The following ANKRD13A variants were observed in gnomAD, a reference collection of about 807,000 sequenced individuals.
ANKRD13A encodes ankyrin repeat domain-containing protein 13A.
Under a neutral mutation model 81.3 loss-of-function variants are expected in ANKRD13A, and 48 were observed. That is an observed-to-expected ratio of 0.59 (90% CI 0.47 to 0.75). ANKRD13A has a LOEUF of 0.75. ANKRD13A is among the 30% of genes least tolerant of loss of function. The pLI, the probability that ANKRD13A is intolerant of heterozygous loss-of-function variation, is 0.00. For missense variants in ANKRD13A, 612 were observed against 734.0 expected (o/e 0.83, Z 1.92); for synonymous variants, 230 against 270.1 (o/e 0.85, Z 1.45).
intron 8 of ANKRD13A, 73 bp downstream of exon 8, chr12:110,025,896 C>T (rs912236217): frequency 7.4e-7 from 1 of 1,345,096 alleles, no homozygotes; most frequent in African/African-American, 1.4e-5. Context: ...TTTGTTGGCT[C>T]TGTTAAGTTT....
rs979197883 is a variant in ANKRD13A at position 109,999,670 on chromosome 12, A to G, written c.-19A>G. 4 of 1,511,656 alleles carry G rather than the reference A, an allele frequency of 2.6e-6. No individual in the cohort carries two copies. The African/African-American group carries it at 5.7e-5, about 22-fold the overall frequency. The allele number at this position is 1,511,656 out of a possible 1,614,324, so 93.6% of individuals were successfully genotyped here. A position where few individuals can be genotyped will look rare whatever the true frequency, so the allele number is the denominator to read the frequency against. On this transcript the variant is annotated 5_prime_UTR_variant, in exon 1 of 15. Transcript: ENST00000261739. This position sits in a 1 kb window ranked among gnomAD's most constrained non-coding sequence, Gnocchi z 4.3. The stretch of plus-strand genomic sequence containing the variant: ...AGACTTGGGGCGGGCGACGAGGACC[A>G]GGTTACGGCCTCCTCGCCATGTCCT...
rs773274467 is a variant in ANKRD13A, at chr12:110,013,246, C to T, written c.351C>T (p.Leu117=). ...EGVPELLQKI[L]EAPDFYVQMK... is the part of the protein sequence containing the mutation. ...TTCCTGAGCTGCTCCAAAAAATTCT[C>T]GAGGTATCCATGAAAATGTGGCCAG... The change falls in exon 3 of 15, where the codon CTC becomes CTT. Residue 117 remains leucine (L), a synonymous_variant. Coordinates refer to ENST00000261739, the MANE Select transcript of ANKRD13A (RefSeq NM_033121.2). The T allele has an allele frequency of 8.1e-6, 13 of 1,613,702 alleles. No individual in the cohort carries two copies. The highest frequency in any genetic ancestry group is 1.7e-5 in the Admixed American group (1 of 59,908).
chr12:110,020,623 TG>T (rs1214179927), intron 6 of ANKRD13A, among the ~76,000 whole-genome samples: 10 of 152,230 alleles, frequency 6.6e-5, no homozygotes, highest in African/African-American at 2.4e-4. Context: ...TGGCTTTCCC[TG>T]GGAGGGCCTT....
chr12:110,009,270 G>A (rs552107990), intron 1 of ANKRD13A, among the ~76,000 whole-genome samples: 204 of 152,102 alleles, frequency 1.3e-3, no homozygotes, highest in African/African-American at 4.4e-3. Context: ...TAGTAGAGAC[G>A]GGGTTTCTCC....
rs558676021 is a variant in ANKRD13A, at chr12:110,006,937, C to T, written c.97-5068C>T. On this transcript the variant is annotated intron_variant, in intron 1 of 14. Coordinates refer to ENST00000261739, the MANE Select transcript of ANKRD13A (RefSeq NM_033121.2). ...GCATGTAGATATGCAGTTGTTCAAG[C>T]GGCACTTGTTGAAAGGACAGTTCTT... Among the ~76,000 whole-genome samples the T allele has an allele frequency of 1.5e-3, 223 of 152,272 alleles. 1 individual carries two copies. The highest frequency in any genetic ancestry group is 3.4e-3 in the Middle Eastern group (1 of 294).
chr12:110,020,664 C>A (rs1891031654), intron 6 of ANKRD13A, among the ~76,000 whole-genome samples: 1 of 152,224 alleles, frequency 6.6e-6, no homozygotes, highest in Admixed American at 6.5e-5. Flanking sequence ...TCCGCATACC[C>A]TTCTGCAGAC....
intron 10 of ANKRD13A, 121 bp from the exon 11 acceptor site, chr12:110,029,357 T>G (rs1214471820): frequency 2.7e-6 from 3 of 1,098,788 alleles, no homozygotes; most frequent in Non-Finnish European, 2.6e-6. Flanking sequence ...AGGTCTGAAT[T>G]AAGAGATGAC....
At chr12:110,027,617 C>A in intron 8 of ANKRD13A, 88 bp from the exon 9 acceptor site, 2 of 1,263,092 alleles carry the variant, frequency 1.6e-6, no homozygotes, top group Non-Finnish European at 2.3e-6. Flanking sequence ...AATGAGGTAG[C>A]TTGGACCAGA....
chr12:110,016,390 TC>T lies in ANKRD13A; in HGVS notation c.359del (p.Pro120ArgfsTer7). ...TTAAACCTTTGTCTGCCCTTCAGGCTCCGGATTTCTATGTGCAGATGAAATG... is the reference window on the plus strand; with the variant it reads ...TTAAACCTTTGTCTGCCCTTCAGGCTCGGATTTCTATGTGCAGATGAAATG... Reference protein sequence around the residue: ...PELLQKILEAPDFYVQMKWEF... With the variant: ...PELLQKILEAXDFYVQMKWEF... On this transcript the variant is annotated frameshift_variant, in exon 4 of 15. Coordinates refer to ENST00000261739, the MANE Select transcript of ANKRD13A (RefSeq NM_033121.2). LOFTEE classifies it high-confidence loss of function. 6.3e-7 allele frequency: 1 copy of T among 1,585,828 alleles called. No homozygotes were observed. The highest frequency in any genetic ancestry group is 8.6e-7 in the Non-Finnish European group (1 of 1,160,700).
intron 7 of ANKRD13A, among the ~76,000 whole-genome samples, chr12:110,025,288 G>A (rs534822342): frequency 1.5e-4 from 23 of 151,868 alleles, no homozygotes; most frequent in Non-Finnish European, 2.9e-4. Flanking sequence ...CCCAGGAGGC[G>A]GAGGCTGCAG....
intron 1 of ANKRD13A, among the ~76,000 whole-genome samples, chr12:110,008,523 C>T (rs937923414): frequency 6.6e-6 from 1 of 152,018 alleles, no homozygotes; most frequent in Non-Finnish European, 1.5e-5. Flanking sequence ...GGAAAGTTTT[C>T]CTTCTTCATC....
chr12:110,021,210 A>C (rs1256330524), intron 6 of ANKRD13A: 1 of 453,782 alleles, frequency 2.2e-6, no homozygotes, highest in Non-Finnish European at 4.4e-6. Flanking sequence ...CTCAGAATTA[A>C]ATGTGTGCTT....
At position 110,033,790 on chromosome 12, in the gene ANKRD13A, G is replaced by A. The variant is rs1187541481; in HGVS notation, c.1349-7G>A. The A allele has an allele frequency of 1.9e-6, 3 of 1,589,190 alleles. No homozygotes were observed. The highest frequency in any genetic ancestry group is 2.6e-6 in the Non-Finnish European group (3 of 1,165,382). The stretch of plus-strand genomic sequence containing the variant: ...CTCAGACACTGGACGGTTGCCTTTT[G>A]TTTCAGCTTCCCACATCACAAACTT... On this transcript the variant is annotated splice_region_variant and splice_polypyrimidine_tract_variant and intron_variant, in intron 12 of 14. Coordinates refer to ENST00000261739, the MANE Select transcript of ANKRD13A (RefSeq NM_033121.2).
intron 8 of ANKRD13A, among the ~76,000 whole-genome samples, chr12:110,026,119 G>A (rs1891310525): frequency 1.3e-5 from 2 of 151,616 alleles, no homozygotes; most frequent in South Asian, 2.1e-4. Flanking sequence ...CCACCACCAC[G>A]CCCGGCTAAT....
chr12:110,026,989 A>T (rs1566059723), intron 8 of ANKRD13A: 1 of 152,206 alleles, frequency 6.6e-6, no homozygotes, highest in Admixed American at 6.5e-5. Flanking sequence ...GGGCTTGTTT[A>T]TGTGTTATCA....
intron 12 of ANKRD13A, chr12:110,032,128 C>T (rs1223671494): frequency 6.6e-6 from 1 of 152,058 alleles, no homozygotes; most frequent in African/African-American, 2.4e-5. Context: ...CTGTCCTTGT[C>T]TTGTTCCTGG....
Position 110,027,755 on chromosome 12 carries a change from G to A in ANKRD13A, c.934G>A (p.Gly312Ser), listed in dbSNP as rs1555248274. 2.5e-6 allele frequency: 4 copies of A among 1,614,104 alleles called. No individual in the cohort carries two copies. The highest frequency in any genetic ancestry group is 3.4e-6 in the Non-Finnish European group (4 of 1,180,000). Residue 312 changes from glycine (G) to serine (S), a missense_variant, in exon 9 of 15, where the codon GGT becomes AGT. By Grantham distance (56) the Gly-to-Ser change is moderately conservative. Coordinates refer to ENST00000261739, the MANE Select transcript of ANKRD13A (RefSeq NM_033121.2). Reference sequence around the variant, plus strand: ...GCTGGGAACTGTGGAACACCAATTTGGTGCACAAGGGGTAAGTTGAAGCAA... The same window carrying A: ...GCTGGGAACTGTGGAACACCAATTTAGTGCACAAGGGGTAAGTTGAAGCAA... ...SLLGTVEHQF[G>S]AQGDLTTECA... is the part of the protein sequence containing the mutation.
At position 110,025,899 on chromosome 12, in the gene ANKRD13A, T is replaced by C; in HGVS notation, c.883+76T>C. ...TAGAGGGAACTCTTTGTTGGCTCTGTTAAGTTTAGGGTTAATGTGATTGGG... is the reference window on the plus strand; with the variant it reads ...TAGAGGGAACTCTTTGTTGGCTCTGCTAAGTTTAGGGTTAATGTGATTGGG... On this transcript the variant is annotated intron_variant, in intron 8 of 14. Transcript: ENST00000261739. The C allele has an allele frequency of 8.4e-6, 11 of 1,305,534 alleles. 2 individuals are homozygous for C. Among genetic ancestry groups the C allele is most frequent in the Non-Finnish European group, 1.2e-5 (11 of 911,804 alleles). 80.9% of individuals were successfully genotyped at this position (1,305,534 alleles called of 1,614,324 possible).
rs759700216 is a variant in ANKRD13A, at chr12:110,019,305, T to A, written c.711T>A (p.Asp237Glu). The change falls in exon 6 of 15, where the codon GAT becomes GAA. Residue 237 changes from aspartate to glutamate, a missense_variant. Asp to Glu is a conservative substitution (Grantham distance 45, BLOSUM62 2). Transcript: ENST00000261739. The stretch of plus-strand genomic sequence containing the variant: ...GCCCTGTCATTAACACCAGCCTCGA[T>A]ACTAAAAATATTGCTTTTGAAAGGT... Reference protein sequence around the residue: ...LTSPVINTSLDTKNIAFERTK... With the variant: ...LTSPVINTSLETKNIAFERTK... The A allele has an allele frequency of 1.9e-6, 3 of 1,607,672 alleles. No individual in the cohort carries two copies. In the African/African-American group the frequency reaches 4.0e-5, roughly 22 times the overall value.
Sources: allele counts gnomAD v4.1 joint callset (sites outside exome capture counted in the v4.1 genomes callset), GRCh38; gene constraint gnomAD v4.1.1; non-coding constraint Gnocchi (gnomAD v3.1); transcripts MANE v1.5; gene names NCBI Gene and HGNC (gene_info 2026-07-23, HGNC 2026-07-21).